KDM1B: variants seen among roughly 807,000 people sequenced by gnomAD.
The protein encoded by KDM1B is lysine-specific histone demethylase 2.
A neutral mutation model predicts 107.4 loss-of-function variants in KDM1B; 63 were observed. The ratio of observed to expected loss-of-function variants is 0.59; its 90% CI spans 0.48 to 0.72. KDM1B has a LOEUF of 0.72. Ranked by LOEUF, KDM1B falls within the 30% of genes least tolerant of loss-of-function variation. The pLI is 0.00. For missense variants in KDM1B, 749 were observed against 1,020.8 expected, an observed-to-expected ratio of 0.73 and a Z score of 3.63; for synonymous variants, 363 against 363.9, an observed-to-expected ratio of 1.00 and a Z score of 0.03.
Position 18,187,816 on chromosome 6 carries a change from T to C in KDM1B, c.598T>C (p.Trp200Arg). 6.5e-7 allele frequency: 1 copy of C among 1,550,238 alleles called. No individual in the cohort carries two copies. The highest frequency in any genetic ancestry group is 8.7e-7 in the Non-Finnish European group (1 of 1,146,722). ...GAGAGTATTGGAAGTTTCCAACCAT[T>C]GGTGGTACTCTATGCTCATCCTACC... The part of the protein sequence containing the change: ...DLRVLEVSNH[W>R]WYSMLILPPL... Residue 200 changes from tryptophan (W) to arginine (R), a missense_variant, in exon 9 of 22, where the codon TGG becomes CGG. By Grantham distance (101) the Trp-to-Arg change is moderately radical. Transcript: ENST00000650836.
At chr6:18,208,031 T>G (rs73726733) in intron 16 of KDM1B, 101 bp from the exon 17 acceptor site, 2 of 858,100 alleles carry the variant, frequency 2.3e-6, no homozygotes, top group African/African-American at 3.3e-5. Flanking sequence ...AAGATTCCCC[T>G]TAGCCTTGGA....
In KDM1B at chr6:18,213,407, A is replaced by C. The variant is rs1242776334; in HGVS notation, c.1984-249A>C. The stretch of plus-strand genomic sequence containing the variant: ...GCCAAGATCGCTCCATTGCACTCCC[A>C]GCTGGGCAACAAGAGCGAAACTCCG... On this transcript the variant is annotated intron_variant, in intron 18 of 21. Transcript: ENST00000650836. The surrounding 1 kb of genome is among the most constrained non-coding windows in gnomAD (Gnocchi z 5.9). Among the ~76,000 whole-genome samples the C allele has an allele frequency of 6.6e-6, 1 of 151,408 alleles. No homozygotes were observed. Among genetic ancestry groups the C allele is most frequent in the African/African-American group, 2.4e-5 (1 of 41,216 alleles).
At chr6:18,218,691 C>G (rs535417848) in intron 21 of KDM1B, among the ~76,000 whole-genome samples, 3 of 152,008 alleles carry the variant, frequency 2.0e-5, no homozygotes, top group African/African-American at 7.2e-5. Flanking sequence ...TCCTTTGGTA[C>G]CTCTCCCCAT....
intron 7 of KDM1B, among the ~76,000 whole-genome samples, chr6:18,178,978 C>T (rs76567487): frequency 2.6e-5 from 4 of 152,320 alleles, no homozygotes; most frequent in African/African-American, 9.6e-5. Context: ...AGCAGACAAC[C>T]TTGCCTTGTT....
intron 7 of KDM1B, among the ~76,000 whole-genome samples, chr6:18,181,614 C>T (rs776232167): frequency 4.6e-5 from 7 of 151,900 alleles, no homozygotes; most frequent in South Asian, 2.1e-4. Flanking sequence ...GGCCTGGTGA[C>T]GCGCTCCTGT....
rs565190132 is a variant in KDM1B, at chr6:18,203,692, A to C, written c.1532-1845A>C. Reference sequence around the variant, plus strand: ...ACATGGTGAAACCCTGTCTCTACTAATAATACAAAAATTAGTCGAGCATGG... The same window carrying C: ...ACATGGTGAAACCCTGTCTCTACTACTAATACAAAAATTAGTCGAGCATGG... On this transcript the variant is annotated intron_variant, in intron 14 of 21. Transcript: ENST00000650836. This position sits in a 1 kb window ranked among gnomAD's most constrained non-coding sequence, Gnocchi z 5.5. Among the ~76,000 whole-genome samples the C allele has an allele frequency of 6.6e-6, 1 of 152,068 alleles. No homozygotes were observed. Among genetic ancestry groups the C allele is most frequent in the South Asian group, 2.1e-4 (1 of 4,826 alleles).
chr6:18,187,721 T>A, intron 8 of KDM1B, 71 bp from the exon 9 acceptor site: 1 of 1,023,212 alleles, frequency 9.8e-7, no homozygotes, highest in Non-Finnish European at 1.5e-6. Flanking sequence ...GAACCCTCTG[T>A]CCCTGGCAGA....
At chr6:18,195,092 G>T (rs1264121156) in intron 10 of KDM1B, among the ~76,000 whole-genome samples, 2 of 152,122 alleles carry the variant, frequency 1.3e-5, no homozygotes, top group Non-Finnish European at 2.9e-5. Flanking sequence ...TGTTTTCAAG[G>T]TTTATCCATG....
In KDM1B at chr6:18,174,430, C is replaced by T. The variant is rs142406038; in HGVS notation, c.534+2951C>T. 6.2e-4 allele frequency among the ~76,000 whole-genome samples: 94 copies of T among 152,116 alleles called. 1 individual carries two copies. The East Asian group carries it at 0.016, about 26-fold the overall frequency. Reference sequence around the variant, plus strand: ...TCTAAGGGGTTGGTAAATGATGGCTCATGGGCCAAATCTGGCTGATACGTA... The same window carrying T: ...TCTAAGGGGTTGGTAAATGATGGCTTATGGGCCAAATCTGGCTGATACGTA... On this transcript the variant is annotated intron_variant, in intron 7 of 21. Transcript: ENST00000650836.
rs1358377845 is a variant in KDM1B, at chr6:18,213,777, C to T, written c.2105C>T (p.Pro702Leu). ...TTTGCCGTGTTCTATGACATGGATC[C>T]CCAGGTAAAATCATTCGTGAACTGT... ...GLFAVFYDMDPQKKHSVLMSV... is the reference protein window; with the variant it reads ...GLFAVFYDMDLQKKHSVLMSV... Residue 702 changes from proline to leucine, a missense_variant, in exon 19 of 22, where the codon CCC (proline) becomes CTC (leucine). Coordinates refer to ENST00000650836, the MANE Select transcript of KDM1B (RefSeq NM_001364614.2). This position sits in a 1 kb window ranked among gnomAD's most constrained non-coding sequence, Gnocchi z 5.9. 6.2e-7 allele frequency: 1 copy of T among 1,613,888 alleles called. No individual in the cohort carries two copies. The highest frequency in any genetic ancestry group is 1.3e-5 in the African/African-American group (1 of 74,874).
chr6:18,205,484 T>G lies in KDM1B; in HGVS notation c.1532-53T>G. On this transcript the variant is annotated intron_variant, in intron 14 of 21. Coordinates refer to ENST00000650836, the MANE Select transcript of KDM1B (RefSeq NM_001364614.2). This position sits in a 1 kb window ranked among gnomAD's most constrained non-coding sequence, Gnocchi z 5.7. ...AGGTTGAAAGCAAAGGAGAAAGAATTGGAGAATCTTGTTAAAGCTATTTTT... is the reference window on the plus strand; with the variant it reads ...AGGTTGAAAGCAAAGGAGAAAGAATGGGAGAATCTTGTTAAAGCTATTTTT... 6.6e-7 allele frequency: 1 copy of G among 1,517,222 alleles called. No homozygotes were observed. Among genetic ancestry groups the G allele is most frequent in the South Asian group, 1.2e-5 (1 of 81,806 alleles). 94.0% of individuals were successfully genotyped at this position (1,517,222 alleles called of 1,614,324 possible).
intron 15 of KDM1B, among the ~76,000 whole-genome samples, chr6:18,207,180 A>G (rs922334229): frequency 6.6e-6 from 1 of 152,188 alleles, no homozygotes; most frequent in Non-Finnish European, 1.5e-5. Context: ...AGTGGTACCC[A>G]TGTCCAAGTC....
chr6:18,218,872 AAATTT>A (rs994900633), intron 21 of KDM1B, among the ~76,000 whole-genome samples: 10 of 151,790 alleles, frequency 6.6e-5, no homozygotes, highest in East Asian at 3.9e-4. Flanking sequence ...TCTCTAATTT[AAATTT>A]AATTTAATTT....
Position 18,162,163 on chromosome 6 carries a change from A to C in KDM1B, c.216-672A>C, listed in dbSNP as rs1033576904. ...TGGTGAAACCCTGTCTCTACTAAAA[A>C]TACACAAATTAGCTGGGCACGGTGG... On this transcript the variant is annotated intron_variant, in intron 4 of 21. Coordinates refer to ENST00000650836, the MANE Select transcript of KDM1B (RefSeq NM_001364614.2). This position sits in a 1 kb window ranked among gnomAD's most constrained non-coding sequence, Gnocchi z 4.1. 4.6e-5 allele frequency among the ~76,000 whole-genome samples: 7 copies of C among 152,066 alleles called. No homozygotes were observed. Among genetic ancestry groups the C allele is most frequent in the African/African-American group, 1.7e-4 (7 of 41,410 alleles).
At chr6:18,187,179 C>T (rs568579209) in intron 8 of KDM1B, among the ~76,000 whole-genome samples, 14 of 152,224 alleles carry the variant, frequency 9.2e-5, no homozygotes, top group African/African-American at 3.4e-4. Context: ...TTTGATGACT[C>T]CATGTTAAGT....
At position 18,200,365 on chromosome 6, in the gene KDM1B, C is replaced by T; in HGVS notation, c.1222-74C>T. 7.1e-7 allele frequency: 1 copy of T among 1,403,196 alleles called. No homozygotes were observed. The highest frequency in any genetic ancestry group is 9.7e-7 in the Non-Finnish European group (1 of 1,027,444). 86.9% of individuals were successfully genotyped at this position (1,403,196 alleles called of 1,614,324 possible). On this transcript the variant is annotated intron_variant, in intron 12 of 21. Transcript: ENST00000650836. This position sits in a 1 kb window ranked among gnomAD's most constrained non-coding sequence, Gnocchi z 4.3. Reference sequence around the variant, plus strand: ...ATAGAGGCTATTTAACAGTGTCCTTCTACATTTTTATAATACTGTGTCTGA... The same window carrying T: ...ATAGAGGCTATTTAACAGTGTCCTTTTACATTTTTATAATACTGTGTCTGA...
rs1182424324 is a variant in KDM1B, at chr6:18,214,785, C to T, written c.2110-222C>T. Among the ~76,000 whole-genome samples, 1 of 152,178 alleles carries T rather than the reference C, an allele frequency of 6.6e-6. No individual in the cohort carries two copies. The highest frequency in any genetic ancestry group is 1.9e-4 in the East Asian group (1 of 5,198). On this transcript the variant is annotated intron_variant, in intron 19 of 21. Coordinates refer to ENST00000650836, the MANE Select transcript of KDM1B (RefSeq NM_001364614.2). This position sits in a 1 kb window ranked among gnomAD's most constrained non-coding sequence, Gnocchi z 4.4. Reference sequence around the variant, plus strand: ...GTTAGCCGGGCATGGTGGCAGACGCCTGTAATCCCAGCTACTCTGGAGGCT... The same window carrying T: ...GTTAGCCGGGCATGGTGGCAGACGCTTGTAATCCCAGCTACTCTGGAGGCT...
chr6:18,178,064 G>A (rs1294007939), intron 7 of KDM1B, among the ~76,000 whole-genome samples: 1 of 151,836 alleles, frequency 6.6e-6, no homozygotes, highest in Non-Finnish European at 1.5e-5. Context: ...TCCTGTAATT[G>A]TAGATAAAAT....
rs1319460956 is a variant in KDM1B, at chr6:18,191,242, AG to A, written c.831del (p.Glu277AspfsTer8). The A allele has an allele frequency of 6.4e-7, 1 of 1,550,544 alleles. No individual in the cohort carries two copies. The highest frequency in any genetic ancestry group is 1.2e-5 in the South Asian group (1 of 84,054). ...TTCCAGCCTTTCTACCAGCCCAATG[AG>A]TGTGGCAAAGCCCTCTGTGTGAGGC... ...RYFQPFYQPN[E>X]CGKALCVRPD... On this transcript the variant is annotated frameshift_variant, in exon 10 of 22. Coordinates refer to ENST00000650836, the MANE Select transcript of KDM1B (RefSeq NM_001364614.2). LOFTEE classifies it high-confidence loss of function. The surrounding 1 kb of genome is among the most constrained non-coding windows in gnomAD (Gnocchi z 5.1).
Sources: gnomAD v4.1 joint callset for allele counts (sites outside exome capture counted in the v4.1 genomes callset) on GRCh38, gnomAD v4.1.1 for gene constraint, Gnocchi (gnomAD v3.1) non-coding constraint, MANE v1.5 for transcripts, NCBI Gene and HGNC (gene_info 2026-07-23, HGNC 2026-07-21) for gene names.